Variants in CHFR observed in about 807,000 individuals in gnomAD.
The protein encoded by CHFR is E3 ubiquitin-protein ligase CHFR.
In CHFR, 57 loss-of-function variants were observed where a neutral mutation model predicts 87.6. The ratio of observed to expected loss-of-function variants is 0.65; its 90% CI spans 0.53 to 0.81. CHFR has a LOEUF of 0.81. CHFR is among the 30% of genes least tolerant of loss of function. The pLI, the probability that CHFR is intolerant of heterozygous loss-of-function variation, is 0.00. For missense variants in CHFR, 797 were observed against 865.8 expected, an observed-to-expected ratio of 0.92 and a Z score of 1.00; for synonymous variants, 381 against 359.2, an observed-to-expected ratio of 1.06 and a Z score of -0.69.
intron 3 of CHFR, among the ~76,000 whole-genome samples, chr12:132,872,651 G>A (rs1001677581): frequency 5.9e-5 from 9 of 152,116 alleles, no homozygotes; most frequent in African/African-American, 1.7e-4. Context: ...GCTGCTGCAG[G>A]GCTGGGTTCT....
intron 12 of CHFR, 161 bp from the exon 13 acceptor site, chr12:132,848,885 G>A: frequency 1.7e-6 from 1 of 588,098 alleles, no homozygotes; most frequent in Non-Finnish European, 3.1e-6. Flanking sequence ...ACGCCACCCA[G>A]GTTGTGATGG....
intron 2 of CHFR, among the ~76,000 whole-genome samples, chr12:132,886,821 A>AC (rs1184979958): frequency 1.3e-5 from 2 of 152,130 alleles, no homozygotes; most frequent in Non-Finnish European, 2.9e-5. Context: ...GACTTATTTG[A>AC]CCCACCGGTT....
At position 132,841,236 on chromosome 12, in the gene CHFR, A is replaced by G. The variant is rs1950698740; in HGVS notation, c.*318T>C. Reference sequence around the variant, plus strand: ...ACTTCTGCTTTAACTGTAGTTTCGGAAAATGTACAAAAGAGCAAAACTGCC... The same window carrying G: ...ACTTCTGCTTTAACTGTAGTTTCGGGAAATGTACAAAAGAGCAAAACTGCC... On this transcript the variant is annotated 3_prime_UTR_variant, in exon 18 of 18. Transcript: ENST00000450056. 1 of 275,800 alleles carries G rather than the reference A, an allele frequency of 3.6e-6. No individual in the cohort carries two copies. The highest frequency in any genetic ancestry group is 2.2e-5 in the African/African-American group (1 of 45,376). The allele number at this position is 275,800 out of a possible 1,614,324, so 17.1% of individuals were successfully genotyped here.
Position 132,847,851 on chromosome 12 carries a change from T to C in CHFR, c.1647+234A>G, listed in dbSNP as rs1267610170. The C allele has an allele frequency of 3.6e-6, 5 of 1,371,232 alleles. No homozygotes were observed. The Admixed American group carries it at 1.5e-4, about 42-fold the overall frequency. The allele number at this position is 1,371,232 out of a possible 1,614,324, so 84.9% of individuals were successfully genotyped here. A position where few individuals can be genotyped will look rare whatever the true frequency, so the allele number is the denominator to read the frequency against. On this transcript the variant is annotated intron_variant, in intron 14 of 17. Transcript: ENST00000450056. ...GCGGGAAGCGGCTCCTACGAATTGGTGGCAGGAGGCACAAAAACGAAATAC... is the reference window on the plus strand; with the variant it reads ...GCGGGAAGCGGCTCCTACGAATTGGCGGCAGGAGGCACAAAAACGAAATAC...
rs1312590714 is a variant in CHFR at position 132,887,256 on chromosome 12, C to G, written c.73G>C (p.Glu25Gln). 2 of 1,502,230 alleles carry G rather than the reference C, an allele frequency of 1.3e-6. No homozygotes were observed. The highest frequency in any genetic ancestry group is 1.8e-6 in the Non-Finnish European group (2 of 1,132,644). The allele number at this position is 1,502,230 out of a possible 1,614,324, so 93.1% of individuals were successfully genotyped here. The change falls in exon 2 of 18, where the codon GAG becomes CAG. Residue 25 changes from glutamate (E) to glutamine (Q), a missense_variant. Coordinates refer to ENST00000450056, the MANE Select transcript of CHFR (RefSeq NM_001161346.2). ...AGGAGGACGTGCGGCTCGCCCTCCT[C>G]CGCGCCCAGACGCAGGAGCCGTCCC... The part of the protein sequence containing the change: ...PWGRLLRLGA[E>Q]EGEPHVLLRK...
chr12:132,878,026 T>A (rs1951669848), intron 2 of CHFR, among the ~76,000 whole-genome samples: 1 of 152,036 alleles, frequency 6.6e-6, no homozygotes, highest in Non-Finnish European at 1.5e-5. Context: ...ATGGTCTCGA[T>A]CTTTTGACCT....
At chr12:132,878,935 G>A (rs1440938484) in intron 2 of CHFR, among the ~76,000 whole-genome samples, 1 of 150,510 alleles carries the variant, frequency 6.6e-6, no homozygotes, top group African/African-American at 2.4e-5. Context: ...ACATAAAATT[G>A]AAGCAATGAC....
rs1566168725 is a variant in CHFR, at chr12:132,838,667, G to C, written c.*2887C>G. ...TGCAGCAGCACCAGGCTGTCCTCCA[G>C]AAAGCCTGTGGACGACCCACGCAGC... On this transcript the variant is annotated 3_prime_UTR_variant, in exon 18 of 18. Transcript: ENST00000450056. 6.6e-6 allele frequency: 1 copy of C among 152,390 alleles called. No homozygotes were observed. Among genetic ancestry groups the C allele is most frequent in the Non-Finnish European group, 1.5e-5 (1 of 68,170 alleles). 9.4% of individuals were successfully genotyped at this position (152,390 alleles called of 1,614,324 possible). A position where few individuals can be genotyped will look rare whatever the true frequency, so the allele number is the denominator to read the frequency against.
intron 2 of CHFR, among the ~76,000 whole-genome samples, chr12:132,883,367 A>G (rs924947193): frequency 6.7e-6 from 1 of 149,556 alleles, no homozygotes; most frequent in Admixed American, 6.8e-5. Flanking sequence ...CGGAGGTTGC[A>G]GTGAGCCGAG....
At chr12:132,885,537 T>A (rs1266839063) in intron 2 of CHFR, among the ~76,000 whole-genome samples, 1 of 152,188 alleles carries the variant, frequency 6.6e-6, no homozygotes, top group Non-Finnish European at 1.5e-5. Flanking sequence ...TTAAAGTTTT[T>A]GCTGGCAACA....
At chr12:132,886,198 G>A (rs1046449232) in intron 2 of CHFR, among the ~76,000 whole-genome samples, 1 of 152,116 alleles carries the variant, frequency 6.6e-6, no homozygotes, top group Non-Finnish European at 1.5e-5. Context: ...TGTAGTCCCA[G>A]CTACTCCGAG....
intron 6 of CHFR, among the ~76,000 whole-genome samples, chr12:132,864,262 A>G (rs1330714796): frequency 6.6e-6 from 1 of 151,706 alleles, no homozygotes; most frequent in African/African-American, 2.4e-5. Flanking sequence ...ATACGAACAG[A>G]AGGAAAGAGA....
At chr12:132,851,372 G>T (rs1453713853) in intron 12 of CHFR, among the ~76,000 whole-genome samples, 1 of 152,158 alleles carries the variant, frequency 6.6e-6, no homozygotes, top group Non-Finnish European at 1.5e-5. Flanking sequence ...GCTGGCAGGG[G>T]ATAGACACAG....
rs534576173 is a variant in CHFR, at chr12:132,864,374, A to C, written c.584-2740T>G. ...AGGAGCACCATCTTACCACTTACAG[A>C]ATGTACCTGGCACACTGCCTCACAT... On this transcript the variant is annotated intron_variant, in intron 6 of 17. Coordinates refer to ENST00000450056, the MANE Select transcript of CHFR (RefSeq NM_001161346.2). 6.8e-4 allele frequency among the ~76,000 whole-genome samples: 103 copies of C among 152,336 alleles called. 1 individual carries two copies. The highest frequency in any genetic ancestry group is 2.4e-3 in the African/African-American group (100 of 41,570).
chr12:132,873,459 CTTATACACGGGT>C (rs1256576922), intron 3 of CHFR, among the ~76,000 whole-genome samples: 1 of 152,228 alleles, frequency 6.6e-6, no homozygotes. Flanking sequence ...TGCAGATGCA[CTTATACACGGGT>C]TTTTTTCAAT....
intron 2 of CHFR, 71 bp from the exon 3 acceptor site, chr12:132,877,725 C>T: frequency 1.1e-6 from 1 of 899,194 alleles, no homozygotes; most frequent in Non-Finnish European, 1.7e-6. Flanking sequence ...ACTTTGTTTA[C>T]CAAAGTATGT....
At chr12:132,869,926 A>C in intron 5 of CHFR, 128 bp from the exon 6 acceptor site, 1 of 1,125,038 alleles carries the variant, frequency 8.9e-7, no homozygotes. Flanking sequence ...AACAGCCCCA[A>C]GGCCAGGCAC....
At position 132,836,929 on chromosome 12, in the gene CHFR, TGA is replaced by T. The variant is rs974391095; in HGVS notation, c.*4623_*4624del. On this transcript the variant is annotated 3_prime_UTR_variant, in exon 18 of 18. Transcript: ENST00000450056. ...AGGCAAGATCCCTGCTCTATTTTTT[TGA>T]GAGGGGGAGACAAACGGTAAACAGA... The T allele has an allele frequency of 7.0e-5, 26 of 369,672 alleles. No homozygotes were observed. Among genetic ancestry groups the T allele is most frequent in the African/African-American group, 5.3e-4 (25 of 47,120 alleles). 22.9% of individuals were successfully genotyped at this position (369,672 alleles called of 1,614,324 possible).
chr12:132,869,085 C>G (rs77149327), intron 6 of CHFR, among the ~76,000 whole-genome samples: 1 of 34,010 alleles, frequency 2.9e-5, no homozygotes, highest in Non-Finnish European at 4.7e-5. Context: ...GCTGGTGGGG[C>G]CGAGGGGAAG....
Sources: gnomAD v4.1 joint callset for allele counts (sites outside exome capture counted in the v4.1 genomes callset) on GRCh38, gnomAD v4.1.1 for gene constraint, MANE v1.5 for transcripts, NCBI Gene and HGNC (gene_info 2026-07-23, HGNC 2026-07-21) for gene names.